Variants in GALNTL6 observed in about 807,000 individuals in gnomAD.
GALNTL6 encodes polypeptide N-acetylgalactosaminyltransferase-like 6.
Under a neutral mutation model 73.7 loss-of-function variants are expected in GALNTL6, and 46 were observed. The ratio of observed to expected loss-of-function variants is 0.62; its 90% CI spans 0.49 to 0.80. The LOEUF (loss-of-function observed/expected upper bound fraction) is 0.80. Ranked by LOEUF, GALNTL6 falls within the 30% of genes least tolerant of loss-of-function variation. The pLI is 0.00. For synonymous variants in GALNTL6, 259 were observed against 263.7 expected (o/e 0.98, Z 0.17); for missense variants, 604 against 755.0 (o/e 0.80, Z 2.34).
intron 2 of GALNTL6, among the ~76,000 whole-genome samples, chr4:172,082,949 G>A (rs981421410): frequency 1.3e-5 from 2 of 151,826 alleles, no homozygotes; most frequent in Non-Finnish European, 2.9e-5. Flanking sequence ...CTTCTTTTTT[G>A]GTGTTATAAG....
intron 5 of GALNTL6, among the ~76,000 whole-genome samples, chr4:172,446,258 TA>T (rs912028492): frequency 3.3e-5 from 5 of 152,182 alleles, no homozygotes; most frequent in African/African-American, 1.2e-4. Context: ...CACAGAGCTT[TA>T]AGGTGGCAGA....
chr4:173,000,845 G>A (rs527282560), intron 10 of GALNTL6, among the ~76,000 whole-genome samples: 11 of 152,250 alleles, frequency 7.2e-5, no homozygotes, highest in African/African-American at 2.4e-4. Flanking sequence ...GGGAAAACTG[G>A]ATATCCACTA....
intron 5 of GALNTL6, among the ~76,000 whole-genome samples, chr4:172,458,380 C>A (rs1189626014): frequency 2.0e-5 from 3 of 151,254 alleles, no homozygotes; most frequent in Non-Finnish European, 1.5e-5. Flanking sequence ...CAGAGCAGAA[C>A]TGAAACAGAT....
intron 5 of GALNTL6, among the ~76,000 whole-genome samples, chr4:172,771,771 A>G (rs905839087): frequency 1.7e-4 from 26 of 152,184 alleles, no homozygotes; most frequent in Admixed American, 1.1e-3. Context: ...TAAGTTTAAG[A>G]ATTCTTGAGT....
At chr4:172,720,492 T>A (rs142610012) in intron 5 of GALNTL6, among the ~76,000 whole-genome samples, 3 of 152,268 alleles carry the variant, frequency 2.0e-5, no homozygotes, top group Non-Finnish European at 4.4e-5. Context: ...TCCCACCTGG[T>A]TGTCTCAGTT....
At chr4:172,830,024 G>A (rs1299947951) in intron 7 of GALNTL6, among the ~76,000 whole-genome samples, 8 of 151,932 alleles carry the variant, frequency 5.3e-5, no homozygotes, top group East Asian at 1.9e-4. Flanking sequence ...AAATTCCACC[G>A]AAAGCCTATT....
intron 7 of GALNTL6, among the ~76,000 whole-genome samples, chr4:172,852,094 T>C (rs897847605): frequency 2.0e-5 from 3 of 152,202 alleles, no homozygotes; most frequent in Non-Finnish European, 4.4e-5. Context: ...GTCTAGGCAT[T>C]GCCCACTGGT....
chr4:172,115,968 T>A (rs932155560), intron 2 of GALNTL6, among the ~76,000 whole-genome samples: 1 of 151,986 alleles, frequency 6.6e-6, no homozygotes, highest in Non-Finnish European at 1.5e-5. Context: ...CAAAATTGAA[T>A]AAAATATACA....
intron 5 of GALNTL6, among the ~76,000 whole-genome samples, chr4:172,761,349 T>A (rs1738073794): frequency 6.6e-6 from 1 of 152,186 alleles, no homozygotes; most frequent in African/African-American, 2.4e-5. Flanking sequence ...TAGGGACCAA[T>A]TTAAAGTAAT....
chr4:171,848,377 C>T lies in GALNTL6; in HGVS notation c.138+33659C>T, dbSNP rs528864089. 3.9e-5 allele frequency among the ~76,000 whole-genome samples: 6 copies of T among 152,262 alleles called. No homozygotes were observed. In the East Asian group the frequency reaches 1.2e-3, roughly 29 times the overall value. Reference sequence around the variant, plus strand: ...TAATTCTTAAGGGCTCTAGGAATTTCAGAATGGTAAGGTTTAGCATTGGCT... The same window carrying T: ...TAATTCTTAAGGGCTCTAGGAATTTTAGAATGGTAAGGTTTAGCATTGGCT... On this transcript the variant is annotated intron_variant, in intron 2 of 12. Transcript: ENST00000506823.
At chr4:172,144,229 T>C (rs929322880) in intron 2 of GALNTL6, among the ~76,000 whole-genome samples, 1 of 152,180 alleles carries the variant, frequency 6.6e-6, no homozygotes, top group Non-Finnish European at 1.5e-5. Flanking sequence ...TGAAGTAAAT[T>C]GGTGGCTGGA....
chr4:172,868,475 C>CT (rs1440818219), intron 7 of GALNTL6, among the ~76,000 whole-genome samples: 1 of 152,126 alleles, frequency 6.6e-6, no homozygotes, highest in Non-Finnish European at 1.5e-5. Flanking sequence ...AATTGTCTGC[C>CT]TTTTTATAAC....
intron 8 of GALNTL6, among the ~76,000 whole-genome samples, chr4:172,903,027 CAT>C (rs1746707810): frequency 1.3e-5 from 2 of 152,188 alleles, no homozygotes; most frequent in African/African-American, 4.8e-5. Flanking sequence ...TAATTCAAGA[CAT>C]AGCCAATAGC....
intron 8 of GALNTL6, among the ~76,000 whole-genome samples, chr4:172,887,918 T>C (rs1195654952): frequency 1.3e-5 from 2 of 152,160 alleles, no homozygotes; most frequent in Non-Finnish European, 1.5e-5. Flanking sequence ...TGGTATCTCA[T>C]TGTAGTTTTG....
chr4:171,845,002 T>C (rs1266567198), intron 2 of GALNTL6, among the ~76,000 whole-genome samples: 1 of 152,138 alleles, frequency 6.6e-6, no homozygotes. Flanking sequence ...CTGTTCTCCA[T>C]TCCATGAATA....
At chr4:172,833,184 A>G (rs2111060625) in intron 7 of GALNTL6, among the ~76,000 whole-genome samples, 1 of 152,358 alleles carries the variant, frequency 6.6e-6, no homozygotes, top group East Asian at 1.9e-4. Context: ...AGACCAGACC[A>G]TAAGCTAAGT....
intron 5 of GALNTL6, among the ~76,000 whole-genome samples, chr4:172,562,887 A>G (rs188546947): frequency 6.6e-6 from 1 of 152,302 alleles, no homozygotes; most frequent in East Asian, 1.9e-4. Flanking sequence ...AAGTGTACAC[A>G]TGGTTGATCT....
chr4:172,328,065 T>C (rs985104668), intron 4 of GALNTL6, among the ~76,000 whole-genome samples: 2 of 152,222 alleles, frequency 1.3e-5, no homozygotes, highest in East Asian at 3.8e-4. Context: ...CAGGATTTTT[T>C]ATAAGGCAGG....
intron 9 of GALNTL6, among the ~76,000 whole-genome samples, chr4:172,939,383 A>C (rs1748800800): frequency 6.6e-6 from 1 of 152,188 alleles, no homozygotes; most frequent in African/African-American, 2.4e-5. Context: ...TCCATAAATA[A>C]TGTTTCATTA....
Sources: gnomAD v4.1 joint callset for allele counts (sites outside exome capture counted in the v4.1 genomes callset) on GRCh38, gnomAD v4.1.1 for gene constraint, MANE v1.5 for transcripts, NCBI Gene and HGNC (gene_info 2026-07-23, HGNC 2026-07-21) for gene names.